NFIX: variants seen among roughly 807,000 people sequenced by gnomAD.
The protein encoded by NFIX is nuclear factor 1 X-type.
NFIX carries 2 observed loss-of-function variants against 53.3 expected under a neutral mutation model. The ratio of observed to expected loss-of-function variants is 0.04; its 90% CI spans 0.02 to 0.12. The LOEUF is 0.12. NFIX is among the 10% of genes least tolerant of loss of function. NFIX has a pLI of 1.00. For synonymous variants in NFIX, 244 were observed against 289.0 expected (o/e 0.84, Z 1.58); for missense variants, 310 against 674.5 (o/e 0.46, Z 5.99).
rs1599876189 is a variant in NFIX at position 13,088,384 on chromosome 19, G to C, written c.1402+248G>C. On this transcript the variant is annotated intron_variant, in intron 9 of 10. Coordinates refer to ENST00000592199, the MANE Select transcript of NFIX (RefSeq NM_001365902.3). The surrounding 1 kb of genome is among the most constrained non-coding windows in gnomAD (Gnocchi z 5.9). ...CGGGGCCCCTGGCCCAGGCCCCTCT[G>C]GGGGGCGGGAGGGAGAGCACAGCTG... 6.6e-6 allele frequency among the ~76,000 whole-genome samples: 1 copy of C among 152,064 alleles called. No individual in the cohort carries two copies. The highest frequency in any genetic ancestry group is 6.5e-5 in the Admixed American group (1 of 15,280).
chr19:13,082,084 GC>G, intron 8 of NFIX: 2 of 564,396 alleles, frequency 3.5e-6, no homozygotes, highest in Admixed American at 6.2e-5. Context: ...CAGCATCTGG[GC>G]CCCCTTGCTC....
intron 2 of NFIX, among the ~76,000 whole-genome samples, chr19:13,032,880 T>C (rs564565190): frequency 6.6e-6 from 1 of 152,274 alleles, no homozygotes; most frequent in East Asian, 1.9e-4. Context: ...GGCACGTCCC[T>C]ATATCCCAGT....
chr19:13,088,032 T>TACC lies in NFIX; in HGVS notation c.1299_1301dup (p.Pro438dup). The TACC allele has an allele frequency of 6.5e-7, 1 of 1,536,142 alleles. No individual in the cohort carries two copies. Among genetic ancestry groups the TACC allele is most frequent in the South Asian group, 1.2e-5 (1 of 84,060 alleles). On this transcript the variant is annotated inframe_insertion, in exon 9 of 11. Transcript: ENST00000592199. This position sits in a 1 kb window ranked among gnomAD's most constrained non-coding sequence, Gnocchi z 5.9. ...GGCAAAGTCCCGGGGTCATTTTTGC[T>TACC]ACCGCCGCCGCCTCCAGTGGCCAGA...
chr19:13,088,260 T>A lies in NFIX; in HGVS notation c.1402+124T>A. 8.4e-7 allele frequency: 1 copy of A among 1,192,710 alleles called. No individual in the cohort carries two copies. The allele number at this position is 1,192,710 out of a possible 1,614,324, so 73.9% of individuals were successfully genotyped here. The stretch of plus-strand genomic sequence containing the variant: ...CAAAGCCCCCCAACCCAGAGCACCA[T>A]GGACAAGAGCAGAGCCGAGCCCCCC... On this transcript the variant is annotated intron_variant, in intron 9 of 10. Coordinates refer to ENST00000592199, the MANE Select transcript of NFIX (RefSeq NM_001365902.3). This position sits in a 1 kb window ranked among gnomAD's most constrained non-coding sequence, Gnocchi z 5.9.
chr19:13,035,199 T>A (rs1465988707), intron 2 of NFIX, among the ~76,000 whole-genome samples: 1 of 152,240 alleles, frequency 6.6e-6, no homozygotes, highest in Admixed American at 6.5e-5. Context: ...GGTCCTCATT[T>A]ACCTTGTGTT....
rs982227957 is a variant in NFIX, at chr19:13,073,306, C to T, written c.623-116C>T. 3 of 1,025,768 alleles carry T rather than the reference C, an allele frequency of 2.9e-6. No individual in the cohort carries two copies. In the South Asian group the frequency reaches 3.8e-5, roughly 13 times the overall value. The allele number at this position is 1,025,768 out of a possible 1,614,324, so 63.5% of individuals were successfully genotyped here. On this transcript the variant is annotated intron_variant, in intron 3 of 10. Transcript: ENST00000592199. The surrounding 1 kb of genome is among the most constrained non-coding windows in gnomAD (Gnocchi z 4.5). ...GTTCGGTGTAGACCTGAGGGCTAGC[C>T]TGGAGCTGGAAACGGGACTTGGGAG...
At chr19:13,041,950 T>C (rs1482505165) in intron 2 of NFIX, among the ~76,000 whole-genome samples, 3 of 152,084 alleles carry the variant, frequency 2.0e-5, no homozygotes, top group Admixed American at 2.0e-4. Context: ...CAGGCTGGAG[T>C]GCAGTGGCGC....
At chr19:13,074,227 C>G (rs2016937652) in intron 5 of NFIX, among the ~76,000 whole-genome samples, 1 of 152,334 alleles carries the variant, frequency 6.6e-6, no homozygotes, top group Non-Finnish European at 1.5e-5. Flanking sequence ...CATGAAGGAC[C>G]CAGCCCTGGG....
At chr19:13,024,659 G>A (rs1186187776) in intron 1 of NFIX, 2 of 1,536,474 alleles carry the variant, frequency 1.3e-6, no homozygotes, top group East Asian at 2.4e-5. Flanking sequence ...GCGCGACAGA[G>A]CCTGGCGGGG....
intron 1 of NFIX, among the ~76,000 whole-genome samples, chr19:13,019,542 C>T (rs548982630): frequency 2.0e-5 from 3 of 152,044 alleles, no homozygotes; most frequent in Non-Finnish European, 2.9e-5. Context: ...CCTAGCTTGG[C>T]ACTCTCTCTC....
intron 6 of NFIX, among the ~76,000 whole-genome samples, chr19:13,077,553 G>GCTGGC (rs1385352374): frequency 6.6e-6 from 1 of 152,098 alleles, no homozygotes; most frequent in Non-Finnish European, 1.5e-5. Flanking sequence ...TAACACCTCC[G>GCTGGC]CTGGCGGCTG....
chr19:13,049,986 C>G lies in NFIX; in HGVS notation c.560-23061C>G, dbSNP rs1186563243. On this transcript the variant is annotated intron_variant, in intron 2 of 10. Transcript: ENST00000592199. This position sits in a 1 kb window ranked among gnomAD's most constrained non-coding sequence, Gnocchi z 4.5. ...TTGATGGATATTTGGGCTCTTTCCA[C>G]TTTGTGGTGTGAGTAATGTTGCAGT... Among the ~76,000 whole-genome samples the G allele has an allele frequency of 6.6e-6, 1 of 152,226 alleles. No homozygotes were observed. Among genetic ancestry groups the G allele is most frequent in the East Asian group, 1.9e-4 (1 of 5,202 alleles).
rs887198332 is a variant in NFIX at position 13,067,503 on chromosome 19, T to C, written c.560-5544T>C. On this transcript the variant is annotated intron_variant, in intron 2 of 10. Coordinates refer to ENST00000592199, the MANE Select transcript of NFIX (RefSeq NM_001365902.3). This position sits in a 1 kb window ranked among gnomAD's most constrained non-coding sequence, Gnocchi z 4.2. ...GTGTGCGTGTGTGTGTGTGTGTGTG[T>C]GTATGTGTGTGTCTGAGTCTGAGCA... 7.0e-6 allele frequency among the ~76,000 whole-genome samples: 1 copy of C among 142,300 alleles called. No individual in the cohort carries two copies. The highest frequency in any genetic ancestry group is 1.6e-5 in the Non-Finnish European group (1 of 62,806). The allele number at this position is 142,300 out of a possible 152,430, so 93.4% of individuals were successfully genotyped here.
chr19:13,000,502 G>A (rs1293100646), intron 1 of NFIX, among the ~76,000 whole-genome samples: 1 of 151,196 alleles, frequency 6.6e-6, no homozygotes, highest in Non-Finnish European at 1.5e-5. Flanking sequence ...ATGGGGGCCT[G>A]TAGGCCAAGC....
In NFIX at chr19:13,001,704, C is replaced by T. The variant is rs1197617790; in HGVS notation, c.27+5840C>T. On this transcript the variant is annotated intron_variant, in intron 1 of 10. Transcript: ENST00000592199. This position sits in a 1 kb window ranked among gnomAD's most constrained non-coding sequence, Gnocchi z 6.5. ...GTGTCATCACCCTCATATCACTGTGCCTCCTGAGCTTGTCCCCGTGACAAT... is the reference window on the plus strand; with the variant it reads ...GTGTCATCACCCTCATATCACTGTGTCTCCTGAGCTTGTCCCCGTGACAAT... 6.6e-6 allele frequency among the ~76,000 whole-genome samples: 1 copy of T among 152,194 alleles called. No homozygotes were observed. The highest frequency in any genetic ancestry group is 1.5e-5 in the Non-Finnish European group (1 of 68,020).
Position 13,075,683 on chromosome 19 carries a change from G to A in NFIX, c.955+12G>A, listed in dbSNP as rs1379592271. ...CGATGTGGATGCAGGTATGGGTGCGGGGGATCCTGACCCAGAGCAAGGGCA... is the reference window on the plus strand; with the variant it reads ...CGATGTGGATGCAGGTATGGGTGCGAGGGATCCTGACCCAGAGCAAGGGCA... On this transcript the variant is annotated intron_variant, in intron 6 of 10. Transcript: ENST00000592199. 1 of 1,611,748 alleles carries A rather than the reference G, an allele frequency of 6.2e-7. No homozygotes were observed. The highest frequency in any genetic ancestry group is 1.3e-5 in the African/African-American group (1 of 74,978).
intron 2 of NFIX, among the ~76,000 whole-genome samples, chr19:13,056,278 C>T (rs891981475): frequency 2.6e-5 from 4 of 152,280 alleles, no homozygotes; most frequent in African/African-American, 9.6e-5. Flanking sequence ...TTCTGCCTCA[C>T]GGGGAGGAGC....
In NFIX at chr19:13,060,997, C is replaced by T. The variant is rs2016040610; in HGVS notation, c.560-12050C>T. ...AGAGATCTTCCTTTTCAAGTGTTTA[C>T]CAATTGCAGAGACAAGTCTGCACTG... On this transcript the variant is annotated intron_variant, in intron 2 of 10. Coordinates refer to ENST00000592199, the MANE Select transcript of NFIX (RefSeq NM_001365902.3). This position sits in a 1 kb window ranked among gnomAD's most constrained non-coding sequence, Gnocchi z 4.3. 6.6e-6 allele frequency among the ~76,000 whole-genome samples: 1 copy of T among 152,014 alleles called. No homozygotes were observed. The highest frequency in any genetic ancestry group is 2.4e-5 in the African/African-American group (1 of 41,372).
intron 1 of NFIX, among the ~76,000 whole-genome samples, chr19:13,015,988 G>C (rs902787266): frequency 6.6e-5 from 10 of 152,178 alleles, no homozygotes; most frequent in African/African-American, 2.4e-4. Context: ...TAAATTATGA[G>C]AACTGTATAG....
Sources: gnomAD v4.1 joint callset for allele counts (sites outside exome capture counted in the v4.1 genomes callset) on GRCh38, gnomAD v4.1.1 for gene constraint, Gnocchi (gnomAD v3.1) non-coding constraint, MANE v1.5 for transcripts, NCBI Gene and HGNC (gene_info 2026-07-23, HGNC 2026-07-21) for gene names.